VEZT: variants seen among roughly 807,000 people sequenced by gnomAD.
The protein encoded by VEZT is vezatin.
In VEZT, 39 loss-of-function variants were observed where a neutral mutation model predicts 79.9. The observed-to-expected ratio is 0.49, with a 90% CI of 0.38 to 0.64. The LOEUF (loss-of-function observed/expected upper bound fraction) is 0.64, where lower values mean the gene tolerates loss of function less well. Ranked by LOEUF, VEZT falls within the 30% of genes least tolerant of loss-of-function variation. VEZT has a pLI of 0.00. For synonymous variants in VEZT, 325 were observed against 327.6 expected (o/e 0.99, Z 0.09); for missense variants, 837 against 893.1 (o/e 0.94, Z 0.80).
At chr12:95,256,099 TG>T (rs2063441532) in intron 2 of VEZT, among the ~76,000 whole-genome samples, 1 of 152,098 alleles carries the variant, frequency 6.6e-6, no homozygotes, top group Non-Finnish European at 1.5e-5. Flanking sequence ...TCACCCAGGC[TG>T]GAGTGCAATG....
chr12:95,252,317 T>C (rs1050266480), intron 2 of VEZT: 5 of 306,140 alleles, frequency 1.6e-5, no homozygotes, highest in Non-Finnish European at 2.3e-5. Context: ...ATTTAAATAT[T>C]GATGCTATCC....
intron 1 of VEZT, among the ~76,000 whole-genome samples, chr12:95,240,021 A>AAAGG (rs372963849): frequency 0.047 from 3,792 of 81,340 alleles, 97 homozygotes; most frequent in East Asian, 0.1. Context: ...AGAGAGAAAG[A>AAAGG]AAGGAAGGAA....
intron 1 of VEZT, among the ~76,000 whole-genome samples, chr12:95,249,004 T>C (rs1378251924): frequency 6.6e-6 from 1 of 152,164 alleles, no homozygotes; most frequent in Non-Finnish European, 1.5e-5. Flanking sequence ...TTTTGTGACA[T>C]ATGAAAATTA....
At chr12:95,257,794 G>A (rs2063702214) in intron 3 of VEZT, among the ~76,000 whole-genome samples, 1 of 152,034 alleles carries the variant, frequency 6.6e-6, no homozygotes, top group African/African-American at 2.4e-5. Flanking sequence ...AAGTAAGCAG[G>A]TTTCAGGATC....
At chr12:95,239,969 A>AGAGAGAGAGAGAG (rs1214014654) in intron 1 of VEZT, among the ~76,000 whole-genome samples, 1 of 136,864 alleles carries the variant, frequency 7.3e-6, no homozygotes, top group Non-Finnish European at 1.6e-5. Context: ...AGAGAGAGAG[A>AGAGAGAGAGAGAG]GAGAGAGAGA....
rs1252637935 is a variant in VEZT at position 95,240,010 on chromosome 12, A to AG, written c.37-11930_37-11929insG. Among the ~76,000 whole-genome samples the AG allele has an allele frequency of 6.7e-3, 795 of 117,966 alleles. 9 individuals carry two copies. Among genetic ancestry groups the AG allele is most frequent in the African/African-American group, 8.4e-3 (277 of 32,782 alleles). The allele number at this position is 117,966 out of a possible 152,430, so 77.4% of individuals were successfully genotyped here. ...GAGAGAGAGAGGAGACAGAGAGAGA[A>AG]AGAGAGAAAGAAAGGAAGGAAGGAA... On this transcript the variant is annotated intron_variant, in intron 1 of 11. Coordinates refer to ENST00000436874, the MANE Select transcript of VEZT (RefSeq NM_017599.4).
intron 1 of VEZT, among the ~76,000 whole-genome samples, chr12:95,246,852 G>A (rs529612526): frequency 5.3e-5 from 8 of 152,076 alleles, no homozygotes; most frequent in South Asian, 2.1e-4. Flanking sequence ...AAACATTTGC[G>A]GTTTTATTTT....
At chr12:95,237,176 T>G (rs1329708855) in intron 1 of VEZT, among the ~76,000 whole-genome samples, 1 of 152,176 alleles carries the variant, frequency 6.6e-6, no homozygotes, top group Non-Finnish European at 1.5e-5. Context: ...GAAAAATCCC[T>G]CTTCTGTTGT....
At chr12:95,242,747 C>T (rs1312188429) in intron 1 of VEZT, among the ~76,000 whole-genome samples, 1 of 151,980 alleles carries the variant, frequency 6.6e-6, no homozygotes, top group Non-Finnish European at 1.5e-5. Context: ...GTGGCTGGCT[C>T]CTGTAATCCC....
intron 1 of VEZT, among the ~76,000 whole-genome samples, chr12:95,230,669 T>G (rs2059156472): frequency 6.6e-6 from 1 of 152,154 alleles, no homozygotes; most frequent in South Asian, 2.1e-4. Context: ...TAAAGTTTAC[T>G]GCATGCTCTC....
chr12:95,236,678 C>T (rs1221584211), intron 1 of VEZT, among the ~76,000 whole-genome samples: 1 of 151,148 alleles, frequency 6.6e-6, no homozygotes, highest in Admixed American at 6.6e-5. Flanking sequence ...TCAGGTGATT[C>T]TCCTGCTTCA....
At chr12:95,266,177 T>G (rs2065493440) in intron 4 of VEZT, among the ~76,000 whole-genome samples, 180 bp from the exon 5 acceptor site, 1 of 152,242 alleles carries the variant, frequency 6.6e-6, no homozygotes, top group Non-Finnish European at 1.5e-5. Context: ...GCGAGGTATT[T>G]TAAAAATCTT....
At chr12:95,277,914 G>A (rs2068124999) in intron 7 of VEZT, among the ~76,000 whole-genome samples, 1 of 152,164 alleles carries the variant, frequency 6.6e-6, no homozygotes, top group Non-Finnish European at 1.5e-5. Flanking sequence ...TCATCAAGAT[G>A]CCTTGGAGAT....
In VEZT at chr12:95,300,196, A is replaced by G. The variant is rs1339156144; in HGVS notation, c.1863A>G (p.Pro621=). The change falls in exon 12 of 12, where the codon CCA becomes CCG. Residue 621 remains proline (P), a synonymous_variant. Transcript: ENST00000436874. ...AVLKSLSPVD[P]VEPISNSEPS... ...TGAAATCCTTGTCTCCTGTAGACCC[A>G]GTGGAACCCATAAGTAATTCAGAAC... The G allele has an allele frequency of 6.5e-7, 1 of 1,548,796 alleles. No individual in the cohort carries two copies. The highest frequency in any genetic ancestry group is 8.7e-7 in the Non-Finnish European group (1 of 1,146,548).
At chr12:95,230,567 A>C (rs1399143335) in intron 1 of VEZT, among the ~76,000 whole-genome samples, 1 of 123,000 alleles carries the variant, frequency 8.1e-6, no homozygotes, top group Non-Finnish European at 1.6e-5. Context: ...GTGTCCAGTT[A>C]TCTCTCCTTT....
chr12:95,225,837 A>G (rs2058395600), intron 1 of VEZT, among the ~76,000 whole-genome samples: 1 of 151,474 alleles, frequency 6.6e-6, no homozygotes, highest in African/African-American at 2.4e-5. Flanking sequence ...GAGAACAGAC[A>G]AATGAAAGAA....
chr12:95,263,220 GA>G (rs1435297148), intron 4 of VEZT, 139 bp downstream of exon 4: 41 of 839,132 alleles, frequency 4.9e-5, no homozygotes, highest in Middle Eastern at 5.0e-4. Flanking sequence ...AATATGGGGG[GA>G]AAAAGTGCCT....
At chr12:95,250,071 AATT>A (rs1378868314) in intron 1 of VEZT, among the ~76,000 whole-genome samples, 1 of 94,532 alleles carries the variant, frequency 1.1e-5, no homozygotes, top group Non-Finnish European at 2.2e-5. Context: ...TTTTTTTTTT[AATT>A]ATTATTATAC....
chr12:95,287,663 G>C lies in VEZT; in HGVS notation c.1329-1G>C. The C allele has an allele frequency of 1.3e-6, 2 of 1,548,862 alleles. No individual in the cohort carries two copies. The highest frequency in any genetic ancestry group is 1.7e-6 in the Non-Finnish European group (2 of 1,145,562). Reference sequence around the variant, plus strand: ...TGTTTCTGTTTTTCTTTATGACTCAGGGTAATAATTCTTGAAGATGAACTT... The same window carrying C: ...TGTTTCTGTTTTTCTTTATGACTCACGGTAATAATTCTTGAAGATGAACTT... On this transcript the variant is annotated splice_acceptor_variant, in intron 8 of 11. Coordinates refer to ENST00000436874, the MANE Select transcript of VEZT (RefSeq NM_017599.4). LOFTEE classifies it high-confidence loss of function.
Sources: allele counts gnomAD v4.1 joint callset (sites outside exome capture counted in the v4.1 genomes callset), GRCh38; gene constraint gnomAD v4.1.1; transcripts MANE v1.5; gene names NCBI Gene and HGNC (gene_info 2026-07-23, HGNC 2026-07-21).